The following PCDHA8 variants were observed in gnomAD, a reference collection of about 807,000 sequenced individuals.
PCDHA8 encodes protocadherin alpha 8, also known as protocadherin alpha-8.
PCDHA8 carries 53 observed loss-of-function variants against 61.8 expected under a neutral mutation model. The observed-to-expected ratio is 0.86, with a 90% CI of 0.69 to 1.08. The LOEUF (loss-of-function observed/expected upper bound fraction) is 1.08, where lower values mean the gene tolerates loss of function less well. Among genes scored for constraint, PCDHA8 ranks in the 50% least tolerant of loss-of-function variants. The pLI is 0.00. For missense variants in PCDHA8, 1,293 were observed against 1,245.0 expected (o/e 1.04, Z -0.58); for synonymous variants, 618 against 556.6 (o/e 1.11, Z -1.55).
intron 3 of PCDHA8, among the ~76,000 whole-genome samples, chr5:140,986,398 G>A (rs973049448): frequency 7.2e-5 from 11 of 152,174 alleles, no homozygotes; most frequent in African/African-American, 2.4e-4. Flanking sequence ...AGGGCCAGTC[G>A]CTCATGTTAC....
intron 1 of PCDHA8, among the ~76,000 whole-genome samples, chr5:140,941,214 CCTTTCTTTCTTT>C (rs60032403): frequency 3.3e-5 from 4 of 122,414 alleles, no homozygotes; most frequent in Non-Finnish European, 6.8e-5. Flanking sequence ...TTTCTTTCTT[CCTTTCTTTCTTT>C]CTTTCTTTCT....
chr5:140,991,924 A>T (rs1028386420), intron 3 of PCDHA8, among the ~76,000 whole-genome samples: 1 of 152,140 alleles, frequency 6.6e-6, no homozygotes, highest in Non-Finnish European at 1.5e-5. Context: ...GTAACATAAC[A>T]TATTCACAAG....
At chr5:141,001,220 G>T (rs1554258038) in intron 3 of PCDHA8, among the ~76,000 whole-genome samples, 1 of 152,116 alleles carries the variant, frequency 6.6e-6, no homozygotes, top group African/African-American at 2.4e-5. Flanking sequence ...TATAAGGATA[G>T]TTACATTTAA....
At chr5:140,914,033 G>A (rs1192515722) in intron 1 of PCDHA8, among the ~76,000 whole-genome samples, 1 of 152,138 alleles carries the variant, frequency 6.6e-6, no homozygotes, top group Non-Finnish European at 1.5e-5. Context: ...GTGCTGAGAA[G>A]AATGTGTATT....
intron 1 of PCDHA8, chr5:140,871,305 G>A (rs782666863): frequency 3.7e-6 from 6 of 1,613,874 alleles, no homozygotes; most frequent in African/African-American, 1.3e-5. Context: ...GCGCGCCGGG[G>A]AAGCCCACGC....
At chr5:140,931,875 T>C (rs1457456146) in intron 1 of PCDHA8, among the ~76,000 whole-genome samples, 3 of 151,982 alleles carry the variant, frequency 2.0e-5, no homozygotes, top group African/African-American at 7.2e-5. Flanking sequence ...AAAATATTTA[T>C]TGCTTTCATT....
intron 1 of PCDHA8, among the ~76,000 whole-genome samples, chr5:140,931,876 T>G (rs533517349): frequency 1.3e-5 from 2 of 152,112 alleles, no homozygotes; most frequent in South Asian, 4.1e-4. Context: ...AAATATTTAT[T>G]GCTTTCATTT....
rs975637071 is a variant in PCDHA8 at position 141,011,970 on chromosome 5, C to A, written c.*2033C>A. On this transcript the variant is annotated 3_prime_UTR_variant, in exon 4 of 4. Transcript: ENST00000531613. ...AGCATTAAATTTAAAAAAAAACTGTCTTGTCTACTTTTAGCTTCATTCTCC... is the reference window on the plus strand; with the variant it reads ...AGCATTAAATTTAAAAAAAAACTGTATTGTCTACTTTTAGCTTCATTCTCC... 6.5e-6 allele frequency: 1 copy of A among 153,576 alleles called. No individual in the cohort carries two copies. The highest frequency in any genetic ancestry group is 6.6e-5 in the Admixed American group (1 of 15,252). The allele number at this position is 153,576 out of a possible 1,614,324, so 9.5% of individuals were successfully genotyped here. A position where few individuals can be genotyped will look rare whatever the true frequency, so the allele number is the denominator to read the frequency against.
At chr5:140,884,559 C>T (rs782174598) in intron 1 of PCDHA8, 2 of 1,614,094 alleles carry the variant, frequency 1.2e-6, no homozygotes, top group Admixed American at 1.7e-5. Context: ...GGGGAGGGCC[C>T]GCATAAGACG....
At chr5:140,948,237 T>C (rs532703710) in intron 1 of PCDHA8, among the ~76,000 whole-genome samples, 1 of 151,810 alleles carries the variant, frequency 6.6e-6, no homozygotes, top group South Asian at 2.1e-4. Flanking sequence ...ACTTGTATTT[T>C]AGTAAATATT....
chr5:140,882,798 A>G, intron 1 of PCDHA8: 1 of 1,614,236 alleles, frequency 6.2e-7, no homozygotes, highest in South Asian at 1.1e-5. Context: ...CCCAACGATT[A>G]TTTCACTTTG....
At chr5:140,926,196 T>C (rs1175807987) in intron 1 of PCDHA8, among the ~76,000 whole-genome samples, 1 of 151,596 alleles carries the variant, frequency 6.6e-6, no homozygotes, top group Non-Finnish European at 1.5e-5. Context: ...CAGCACTTCT[T>C]TCGGGGGGCT....
At chr5:140,948,269 A>G (rs1339240276) in intron 1 of PCDHA8, among the ~76,000 whole-genome samples, 1 of 151,602 alleles carries the variant, frequency 6.6e-6, no homozygotes, top group Non-Finnish European at 1.5e-5. Flanking sequence ...GTTCATGTAG[A>G]ATATCTGTAA....
intron 1 of PCDHA8, chr5:140,881,349 A>G: frequency 2.0e-6 from 2 of 985,302 alleles, no homozygotes; most frequent in Non-Finnish European, 2.4e-6. Flanking sequence ...TCGGGCTACA[A>G]TGCGTGGCTT....
chr5:140,928,876 C>T (rs1554206456), intron 1 of PCDHA8: 1 of 1,614,194 alleles, frequency 6.2e-7, no homozygotes, highest in Non-Finnish European at 8.5e-7. Context: ...CTCTGTCCCT[C>T]AGTTACTTCC....
chr5:140,990,195 A>C (rs1030331876), intron 3 of PCDHA8, among the ~76,000 whole-genome samples: 1 of 152,012 alleles, frequency 6.6e-6, no homozygotes, highest in Non-Finnish European at 1.5e-5. Flanking sequence ...CCAAATGTGG[A>C]CCCGAAAGAG....
At chr5:140,942,668 A>G (rs1047486718) in intron 1 of PCDHA8, among the ~76,000 whole-genome samples, 7 of 152,336 alleles carry the variant, frequency 4.6e-5, no homozygotes, top group Admixed American at 2.0e-4. Flanking sequence ...CAATAAGCAC[A>G]AAAGTTTTAG....
At chr5:140,985,851 TG>T (rs1269261138) in intron 3 of PCDHA8, among the ~76,000 whole-genome samples, 1 of 149,322 alleles carries the variant, frequency 6.7e-6, no homozygotes, top group Non-Finnish European at 1.5e-5. Flanking sequence ...GCCACTCTCC[TG>T]CCTCAGCCTC....
intron 1 of PCDHA8, chr5:140,854,677 A>G (rs1450428296): frequency 6.7e-6 from 1 of 150,054 alleles, no homozygotes; most frequent in African/African-American, 2.4e-5. Context: ...CATAAGACCA[A>G]TATGTCTGTT....
Sources: allele counts gnomAD v4.1 joint callset (sites outside exome capture counted in the v4.1 genomes callset), GRCh38; gene constraint gnomAD v4.1.1; transcripts MANE v1.5; gene names NCBI Gene and HGNC (gene_info 2026-07-23, HGNC 2026-07-21).